Variants in BICC1 observed in about 807,000 individuals in gnomAD.
BICC1 encodes the protein BicC family RNA binding protein 1, also known as protein bicaudal C homolog 1.
A neutral mutation model predicts 111.0 loss-of-function variants in BICC1; 43 were observed. That is an observed-to-expected ratio of 0.39 (90% CI 0.30 to 0.50). BICC1 has a LOEUF of 0.50. Among genes scored for constraint, BICC1 ranks in the 20% least tolerant of loss-of-function variants. The pLI, the probability that BICC1 is intolerant of heterozygous loss-of-function variation, is 0.88. For missense variants in BICC1, 1,091 were observed against 1,203.2 expected, an observed-to-expected ratio of 0.91 and a Z score of 1.38; for synonymous variants, 467 against 434.4, an observed-to-expected ratio of 1.07 and a Z score of -0.93.
At chr10:58,547,655 T>A (rs1589085437) in intron 1 of BICC1, among the ~76,000 whole-genome samples, 2 of 149,414 alleles carry the variant, frequency 1.3e-5, no homozygotes, top group South Asian at 4.3e-4. Flanking sequence ...CTCTTCTCTG[T>A]GTATACATGC....
rs1390647623 is a variant in BICC1 at position 58,654,189 on chromosome 10, A to G, written c.237+33288A>G. Reference sequence around the variant, plus strand: ...CAGCATGATTTATAGTCCTTTGGGTATATACCCAGTAATGGGATGGCTGGG... The same window carrying G: ...CAGCATGATTTATAGTCCTTTGGGTGTATACCCAGTAATGGGATGGCTGGG... On this transcript the variant is annotated intron_variant, in intron 2 of 20. Coordinates refer to ENST00000373886, the MANE Select transcript of BICC1 (RefSeq NM_001080512.3). 3.2e-5 allele frequency among the ~76,000 whole-genome samples: 4 copies of G among 126,184 alleles called. No individual in the cohort carries two copies. The South Asian group carries it at 1.2e-3, about 39-fold the overall frequency. 82.8% of individuals were successfully genotyped at this position (126,184 alleles called of 152,430 possible). A position where few individuals can be genotyped will look rare whatever the true frequency, so the allele number is the denominator to read the frequency against.
Position 58,820,478 on chromosome 10 carries a change from A to T in BICC1, c.2794+10A>T. 5 of 1,546,808 alleles carry T rather than the reference A, an allele frequency of 3.2e-6. No homozygotes were observed. Among genetic ancestry groups the T allele is most frequent in the Non-Finnish European group, 4.5e-6 (5 of 1,119,714 alleles). ...CTGCTTGCAATTTCAGGTGAATATA[A>T]ATATTCAACTCATATGTTAAAATCT... is the stretch of plus-strand genomic sequence containing the variant. On this transcript the variant is annotated intron_variant, in intron 20 of 20. Coordinates refer to ENST00000373886, the MANE Select transcript of BICC1 (RefSeq NM_001080512.3).
intron 3 of BICC1, among the ~76,000 whole-genome samples, chr10:58,726,792 A>G (rs1192531779): frequency 6.6e-6 from 1 of 152,204 alleles, no homozygotes; most frequent in Non-Finnish European, 1.5e-5. Context: ...TTACTATGGA[A>G]TGTTCTGCAG....
chr10:58,814,230 C>G (rs960130017), intron 18 of BICC1: 25 of 619,520 alleles, frequency 4.0e-5, no homozygotes, highest in Non-Finnish European at 6.4e-5. Context: ...AATTATTTAT[C>G]TACCTATCTG....
chr10:58,531,238 A>T (rs1024663711), intron 1 of BICC1, among the ~76,000 whole-genome samples: 2 of 151,888 alleles, frequency 1.3e-5, no homozygotes, highest in Middle Eastern at 6.8e-3. Flanking sequence ...AGAACAAGAG[A>T]GCTCAGCGGT....
intron 3 of BICC1, among the ~76,000 whole-genome samples, chr10:58,784,244 T>C (rs1173772133): frequency 6.6e-6 from 1 of 152,212 alleles, no homozygotes; most frequent in East Asian, 1.9e-4. Flanking sequence ...CTTCTTCACT[T>C]ATCTCTTCTC....
intron 1 of BICC1, among the ~76,000 whole-genome samples, chr10:58,523,570 A>G (rs1180780445): frequency 6.6e-6 from 1 of 152,184 alleles, no homozygotes; most frequent in Non-Finnish European, 1.5e-5. Flanking sequence ...AATAAGAGCT[A>G]TCTATGACAA....
intron 3 of BICC1, among the ~76,000 whole-genome samples, chr10:58,704,391 G>C (rs1840330782): frequency 6.6e-6 from 1 of 152,186 alleles, no homozygotes; most frequent in Non-Finnish European, 1.5e-5. Flanking sequence ...TACTTGAGTT[G>C]CTCTTATCAT....
intron 2 of BICC1, among the ~76,000 whole-genome samples, chr10:58,649,534 A>G (rs547987926): frequency 6.6e-6 from 1 of 152,226 alleles, no homozygotes; most frequent in Admixed American, 6.5e-5. Context: ...GGGAACCCTC[A>G]TGGGTGTCTT....
chr10:58,579,298 A>G (rs916766356), intron 1 of BICC1, among the ~76,000 whole-genome samples: 15 of 152,218 alleles, frequency 9.9e-5, no homozygotes, highest in African/African-American at 3.6e-4. Flanking sequence ...GAGAGAAGAC[A>G]CTTTAACTTT....
At chr10:58,770,758 TA>T (rs1275306714) in intron 3 of BICC1, among the ~76,000 whole-genome samples, 5 of 152,174 alleles carry the variant, frequency 3.3e-5, no homozygotes, top group Non-Finnish European at 7.4e-5. Context: ...TTTTGGTTGT[TA>T]AAAGTCACTC....
chr10:58,788,470 T>C, intron 6 of BICC1, 47 bp downstream of exon 6: 1 of 1,310,202 alleles, frequency 7.6e-7, no homozygotes, highest in Non-Finnish European at 1.1e-6. Flanking sequence ...CAGCAACATT[T>C]GCATTATAAG....
chr10:58,577,170 G>A lies in BICC1; in HGVS notation c.191-43685G>A, dbSNP rs1054916297. Among the ~76,000 whole-genome samples, 3 of 152,290 alleles carry A rather than the reference G, an allele frequency of 2.0e-5. No homozygotes were observed. In the South Asian group the frequency reaches 6.2e-4, roughly 32 times the overall value. On this transcript the variant is annotated intron_variant, in intron 1 of 20. Transcript: ENST00000373886. ...CCTGAGCACTTACCATTCAGTGGGT[G>A]CCTACCATGTGCTAGACAGGGGAGG...
chr10:58,817,473 T>C (rs1394502954), intron 18 of BICC1, 89 bp from the exon 19 acceptor site: 293 of 1,410,466 alleles, frequency 2.1e-4, no homozygotes, highest in Non-Finnish European at 2.0e-5. Context: ...ACAATGGAAG[T>C]TGAAATATTT....
At chr10:58,600,171 T>C (rs1279627909) in intron 1 of BICC1, among the ~76,000 whole-genome samples, 2 of 152,128 alleles carry the variant, frequency 1.3e-5, no homozygotes, top group African/African-American at 4.8e-5. Flanking sequence ...CAGCACTGTT[T>C]TGAGACATCA....
chr10:58,552,882 G>A (rs1379911478), intron 1 of BICC1, among the ~76,000 whole-genome samples: 1 of 152,106 alleles, frequency 6.6e-6, no homozygotes, highest in Non-Finnish European at 1.5e-5. Flanking sequence ...TCCTCACAAT[G>A]ATATTAAAGT....
intron 3 of BICC1, among the ~76,000 whole-genome samples, chr10:58,725,346 A>C (rs946440762): frequency 1.3e-5 from 2 of 152,012 alleles, no homozygotes; most frequent in African/African-American, 4.8e-5. Context: ...ACAATTCCCA[A>C]CTGCAGACTC....
intron 1 of BICC1, among the ~76,000 whole-genome samples, chr10:58,530,170 G>A (rs1842642509): frequency 6.6e-6 from 1 of 151,752 alleles, no homozygotes; most frequent in Non-Finnish European, 1.5e-5. Context: ...CGTAGAGTAA[G>A]GCCCTGATTA....
chr10:58,690,871 T>A (rs1014763541), intron 2 of BICC1, among the ~76,000 whole-genome samples: 4 of 152,176 alleles, frequency 2.6e-5, no homozygotes, highest in African/African-American at 9.7e-5. Flanking sequence ...TAACTAGTCT[T>A]ATGAAAAATT....
Sources: allele counts gnomAD v4.1 joint callset (sites outside exome capture counted in the v4.1 genomes callset), GRCh38; gene constraint gnomAD v4.1.1; transcripts MANE v1.5; gene names NCBI Gene and HGNC (gene_info 2026-07-23, HGNC 2026-07-21).